Variants in ADD3 observed in about 807,000 individuals in gnomAD.
ADD3 encodes the protein adducin 3.
A neutral mutation model predicts 80.2 loss-of-function variants in ADD3; 25 were observed. That is an observed-to-expected ratio of 0.31 (90% CI 0.23 to 0.44). The LOEUF (loss-of-function observed/expected upper bound fraction) is 0.44, where lower values mean the gene tolerates loss of function less well. Ranked by LOEUF, ADD3 falls within the 20% of genes least tolerant of loss-of-function variation. The probability of loss-of-function intolerance (pLI) is 1.00; values close to 1 mark genes in which losing one functional copy is unlikely to be tolerated. For synonymous variants in ADD3, 284 were observed against 289.6 expected, an observed-to-expected ratio of 0.98 and a Z score of 0.20; for missense variants, 829 against 847.5, an observed-to-expected ratio of 0.98 and a Z score of 0.27.
chr10:110,031,985 G>C (rs900371688), intron 1 of ADD3, among the ~76,000 whole-genome samples: 6 of 151,478 alleles, frequency 4.0e-5, no homozygotes, highest in African/African-American at 9.7e-5. Flanking sequence ...GCAGCCAGTT[G>C]AACGGTATAG....
chr10:110,037,202 C>T (rs927487769), intron 1 of ADD3, among the ~76,000 whole-genome samples: 2 of 152,218 alleles, frequency 1.3e-5, no homozygotes, highest in African/African-American at 4.8e-5. Flanking sequence ...GTTAAACACA[C>T]ATCAGTCGAC....
At position 110,133,667 on chromosome 10, in the gene ADD3, T is replaced by A; in HGVS notation, c.*49T>A. ...TTATAACAATGTGACATTGCACATC[T>A]AAATACCACATTTAAGTTGATCATT... On this transcript the variant is annotated 3_prime_UTR_variant, in exon 15 of 15. Coordinates refer to ENST00000356080, the MANE Select transcript of ADD3 (RefSeq NM_016824.5). 1 of 1,407,836 alleles carries A rather than the reference T, an allele frequency of 7.1e-7. No individual in the cohort carries two copies. The highest frequency in any genetic ancestry group is 9.5e-7 in the Non-Finnish European group (1 of 1,050,238). The allele number at this position is 1,407,836 out of a possible 1,614,324, so 87.2% of individuals were successfully genotyped here.
chr10:110,082,338 A>T (rs1729385474), intron 1 of ADD3, among the ~76,000 whole-genome samples: 1 of 152,218 alleles, frequency 6.6e-6, no homozygotes, highest in Non-Finnish European at 1.5e-5. Flanking sequence ...AAATGCTTTA[A>T]TAGTGGTTAT....
At chr10:110,079,461 AGTGTGTGTGTGTGTGTGTGTGTGTGT>A (rs1164637976) in intron 1 of ADD3, among the ~76,000 whole-genome samples, 2 of 97,434 alleles carry the variant, frequency 2.1e-5, no homozygotes, top group African/African-American at 9.1e-5. Flanking sequence ...AGAGAGAGAG[AGTGTGTGTGTGTGTGTGTGTGTGTGT>A]GTGTGTGTGT....
chr10:110,023,367 C>T (rs1853911367), intron 1 of ADD3, among the ~76,000 whole-genome samples: 2 of 152,158 alleles, frequency 1.3e-5, no homozygotes, highest in Non-Finnish European at 2.9e-5. Context: ...TCTTAGACTT[C>T]CCAGGCTTCA....
At chr10:110,091,263 A>G (rs778439233) in intron 1 of ADD3, among the ~76,000 whole-genome samples, 38 of 152,312 alleles carry the variant, frequency 2.5e-4, no homozygotes, top group Non-Finnish European at 4.4e-4. Flanking sequence ...CCTTTGAGCC[A>G]TCTCATATTT....
intron 1 of ADD3, among the ~76,000 whole-genome samples, chr10:110,068,223 T>C (rs1262766071): frequency 6.6e-6 from 1 of 152,142 alleles, no homozygotes; most frequent in Non-Finnish European, 1.5e-5. Context: ...CCACCGAGTT[T>C]TTGTACTGCT....
intron 2 of ADD3, among the ~76,000 whole-genome samples, chr10:110,104,318 A>C (rs1271624384): frequency 6.6e-6 from 1 of 152,196 alleles, no homozygotes; most frequent in Non-Finnish European, 1.5e-5. Context: ...GGCTCTGCCC[A>C]CTAGGTTCTT....
intron 1 of ADD3, among the ~76,000 whole-genome samples, chr10:110,084,188 G>A (rs1230029846): frequency 1.3e-5 from 2 of 152,024 alleles, no homozygotes; most frequent in Non-Finnish European, 2.9e-5. Flanking sequence ...TACTCTTCCT[G>A]GTGAATTACC....
chr10:110,037,426 G>A (rs1219481335), intron 1 of ADD3, among the ~76,000 whole-genome samples: 2 of 151,868 alleles, frequency 1.3e-5, no homozygotes, highest in Non-Finnish European at 2.9e-5. Flanking sequence ...CCAACATGGT[G>A]AAACCCCGTC....
chr10:110,076,929 A>ATG (rs1450583455), intron 1 of ADD3: 2 of 152,178 alleles, frequency 1.3e-5, no homozygotes, highest in Non-Finnish European at 2.9e-5. Flanking sequence ...GGCAATATTA[A>ATG]TGTGCAGTTT....
intron 1 of ADD3, among the ~76,000 whole-genome samples, chr10:110,054,790 AT>A (rs1445266598): frequency 1.3e-5 from 2 of 151,454 alleles, no homozygotes; most frequent in Non-Finnish European, 2.9e-5. Flanking sequence ...ATTTTTTTGT[AT>A]TTTTAGTAGA....
Position 110,109,224 on chromosome 10 carries a change from A to G in ADD3, c.196-3553A>G, listed in dbSNP as rs376786561. Among the ~76,000 whole-genome samples the G allele has an allele frequency of 2.7e-5, 4 of 147,944 alleles. No individual in the cohort carries two copies. The East Asian group carries it at 5.9e-4, about 22-fold the overall frequency. ...TGTGATTCTCTTGAGTACCTGGTTG[A>G]TTTTTTTTTTTAATCTAAAAACCAT... is the stretch of plus-strand genomic sequence containing the variant. On this transcript the variant is annotated intron_variant, in intron 2 of 14. Transcript: ENST00000356080.
At chr10:110,066,578 T>C (rs531167672) in intron 1 of ADD3, among the ~76,000 whole-genome samples, 1 of 152,286 alleles carries the variant, frequency 6.6e-6, no homozygotes, top group East Asian at 1.9e-4. Context: ...TAGATTTTTT[T>C]TTCTTTCTTT....
chr10:110,098,025 T>C (rs1485532018), intron 1 of ADD3, among the ~76,000 whole-genome samples: 2 of 152,174 alleles, frequency 1.3e-5, no homozygotes, highest in Non-Finnish European at 2.9e-5. Context: ...TCTGGCCGCC[T>C]TGGCCTCCCA....
intron 1 of ADD3, among the ~76,000 whole-genome samples, chr10:110,021,686 G>C (rs1853697096): frequency 6.6e-6 from 1 of 152,138 alleles, no homozygotes; most frequent in Admixed American, 6.5e-5. Flanking sequence ...GGAGATTAGT[G>C]GTTGTCAGGA....
intron 1 of ADD3, among the ~76,000 whole-genome samples, chr10:110,091,893 C>T (rs577972289): frequency 6.6e-6 from 1 of 152,224 alleles, no homozygotes; most frequent in Admixed American, 6.5e-5. Context: ...CTTAACCCAA[C>T]AGGTAAACAA....
At chr10:110,130,034 T>G (rs182614274) in intron 12 of ADD3, among the ~76,000 whole-genome samples, 297 of 152,342 alleles carry the variant, frequency 1.9e-3, no homozygotes, top group African/African-American at 7.0e-3. Flanking sequence ...GTCTTTAAAA[T>G]GGAGCAATTC....
At chr10:110,007,390 T>C (rs1209262092), upstream of ADD3, among the ~76,000 whole-genome samples, 1 of 151,990 alleles carries the variant, frequency 6.6e-6, no homozygotes, top group Non-Finnish European at 1.5e-5. Flanking sequence ...CGTGCGGAGG[T>C]TGAACCTTTG....
Sources: gnomAD v4.1 joint callset for allele counts (sites outside exome capture counted in the v4.1 genomes callset) on GRCh38, gnomAD v4.1.1 for gene constraint, MANE v1.5 for transcripts, NCBI Gene and HGNC (gene_info 2026-07-23, HGNC 2026-07-21) for gene names.